GRID2: variants seen among roughly 807,000 people sequenced by gnomAD.
GRID2 encodes glutamate ionotropic receptor delta type subunit 2, also known as glutamate receptor ionotropic, delta-2.
A neutral mutation model predicts 114.8 loss-of-function variants in GRID2; 33 were observed. The observed-to-expected ratio is 0.29, with a 90% CI of 0.22 to 0.38. The LOEUF (loss-of-function observed/expected upper bound fraction) is 0.38. GRID2 is among the 10% of genes least tolerant of loss of function. The pLI, the probability that GRID2 is intolerant of heterozygous loss-of-function variation, is 1.00. For synonymous variants in GRID2, 505 were observed against 449.9 expected (o/e 1.12, Z -1.55); for missense variants, 1,184 against 1,257.7 (o/e 0.94, Z 0.89).
chr4:92,671,259 TCAC>T (rs1311209451), intron 2 of GRID2, among the ~76,000 whole-genome samples: 2 of 80,634 alleles, frequency 2.5e-5, no homozygotes, highest in East Asian at 7.7e-4. Context: ...GAAAACTTAC[TCAC>T]TATCATGAGA....
intron 2 of GRID2, among the ~76,000 whole-genome samples, chr4:92,997,831 G>A (rs1225369904): frequency 2.0e-5 from 3 of 152,076 alleles, no homozygotes; most frequent in African/African-American, 4.8e-5. Flanking sequence ...GACCCTTCAT[G>A]TTGAAAAATA....
intron 1 of GRID2, among the ~76,000 whole-genome samples, chr4:92,308,935 C>T (rs1197786083): frequency 6.6e-6 from 1 of 151,960 alleles, no homozygotes; most frequent in Non-Finnish European, 1.5e-5. Context: ...CTTTACTATT[C>T]TTCTCTGTAT....
intron 11 of GRID2, among the ~76,000 whole-genome samples, chr4:93,481,478 A>G (rs1412618274): frequency 1.3e-5 from 2 of 152,090 alleles, no homozygotes; most frequent in African/African-American, 2.4e-5. Flanking sequence ...ACTGCCATCA[A>G]GATATTAAAA....
intron 8 of GRID2, among the ~76,000 whole-genome samples, chr4:93,288,274 A>T (rs979840118): frequency 9.2e-5 from 14 of 152,242 alleles, no homozygotes; most frequent in African/African-American, 3.4e-4. Context: ...TTGGATTGAT[A>T]GAAATATAAA....
chr4:92,951,624 A>G (rs1042087613), intron 2 of GRID2, among the ~76,000 whole-genome samples: 2 of 152,100 alleles, frequency 1.3e-5, no homozygotes, highest in African/African-American at 2.4e-5. Context: ...CACTGTGCCC[A>G]TCCAAATTTT....
chr4:93,560,326 T>C (rs1266162049), intron 13 of GRID2, among the ~76,000 whole-genome samples: 4 of 145,962 alleles, frequency 2.7e-5, no homozygotes, highest in Non-Finnish European at 6.0e-5. Flanking sequence ...CTGCAGGCTA[T>C]ACAAACATGG....
In GRID2 at chr4:93,239,912, T is replaced by C. The variant is rs570891707; in HGVS notation, c.1245+1422T>C. On this transcript the variant is annotated intron_variant, in intron 8 of 15. Coordinates refer to ENST00000282020, the MANE Select transcript of GRID2 (RefSeq NM_001510.4). ...TTATGAATGGTCTCAAGAATGCGTATATCCTTTTCTTCTTGCTTCTTGTGT... is the reference window on the plus strand; with the variant it reads ...TTATGAATGGTCTCAAGAATGCGTACATCCTTTTCTTCTTGCTTCTTGTGT... Among the ~76,000 whole-genome samples the C allele has an allele frequency of 5.3e-5, 8 of 151,772 alleles. 1 individual carries two copies. Among genetic ancestry groups the C allele is most frequent in the Admixed American group, 1.3e-4 (2 of 15,176 alleles).
intron 7 of GRID2, among the ~76,000 whole-genome samples, chr4:93,234,372 A>G (rs183948758): frequency 1.3e-5 from 2 of 152,248 alleles, no homozygotes; most frequent in South Asian, 2.1e-4. Context: ...AAAGGAAAAA[A>G]TACGAGACAC....
chr4:93,795,918 C>A (rs1475983179), intron 1 of GRID2, among the ~76,000 whole-genome samples: 1 of 152,168 alleles, frequency 6.6e-6, no homozygotes, highest in Non-Finnish European at 1.5e-5. Flanking sequence ...CTTCTCTACT[C>A]AGCAACCCAC....
At chr4:92,573,439 G>A (rs576017810) in intron 1 of GRID2, among the ~76,000 whole-genome samples, 2 of 152,230 alleles carry the variant, frequency 1.3e-5, no homozygotes, top group Admixed American at 6.5e-5. Flanking sequence ...GCTGTTTGAT[G>A]TGGGCAGTTA....
rs929328644 is a variant in GRID2 at position 92,304,296 on chromosome 4, C to T, written c.-361C>T. ...TTGGAAGTTGCAGCGGAGCTGGGAC[C>T]GGAGACCCGCGGCCCCCGCGCAGCG... On this transcript the variant is annotated 5_prime_UTR_variant, in exon 1 of 16. Transcript: ENST00000282020. The T allele has an allele frequency of 7.1e-5, 18 of 252,400 alleles. No individual in the cohort carries two copies. The highest frequency in any genetic ancestry group is 1.4e-4 in the Non-Finnish European group (18 of 131,988). The allele number at this position is 252,400 out of a possible 1,614,324, so 15.6% of individuals were successfully genotyped here.
intron 1 of GRID2, among the ~76,000 whole-genome samples, chr4:92,444,454 A>C (rs879210348): frequency 6.6e-6 from 1 of 152,148 alleles, no homozygotes; most frequent in Non-Finnish European, 1.5e-5. Context: ...TGAGCCAGGA[A>C]AAGGACTTTC....
At chr4:93,593,126 T>C (rs1282277282) in intron 13 of GRID2, among the ~76,000 whole-genome samples, 1 of 151,900 alleles carries the variant, frequency 6.6e-6, no homozygotes, top group African/African-American at 2.4e-5. Context: ...ATTTTGCTTG[T>C]TAGTTGCAGT....
chr4:93,530,209 C>A (rs1731307521), intron 13 of GRID2, among the ~76,000 whole-genome samples: 1 of 152,126 alleles, frequency 6.6e-6, no homozygotes, highest in African/African-American at 2.4e-5. Context: ...GCAAATTCAT[C>A]TTCCCTCAGC....
rs10706922 is a variant in GRID2, at chr4:93,075,883, C to CTTTTTTTTTT, written c.245-9083_245-9074dup. ...GTATTGGGATGTCGAAGTTACCTCT[C>CTTTTTTTTTT]TTTTTTTTTTTTTTTTTTTTTTTTT... On this transcript the variant is annotated intron_variant, in intron 2 of 15. Transcript: ENST00000282020. Among the ~76,000 whole-genome samples the CTTTTTTTTTT allele has an allele frequency of 1.8e-4, 14 of 76,606 alleles. 2 individuals carry two copies. Among genetic ancestry groups the CTTTTTTTTTT allele is most frequent in the East Asian group, 4.1e-4 (1 of 2,412 alleles). The allele number at this position is 76,606 out of a possible 152,430, so 50.3% of individuals were successfully genotyped here.
At chr4:92,757,531 G>C (rs1016745301) in intron 2 of GRID2, among the ~76,000 whole-genome samples, 6 of 152,012 alleles carry the variant, frequency 3.9e-5, no homozygotes, top group African/African-American at 1.4e-4. Context: ...TACAAATTTG[G>C]AGCTCAGGGA....
At chr4:93,237,729 A>G (rs1335389230) in intron 7 of GRID2, among the ~76,000 whole-genome samples, 1 of 151,902 alleles carries the variant, frequency 6.6e-6, no homozygotes, top group African/African-American at 2.4e-5. Context: ...ATAAATGAAC[A>G]TCTGTCATAT....
chr4:92,405,322 G>T (rs894354122), intron 1 of GRID2, among the ~76,000 whole-genome samples: 2 of 152,088 alleles, frequency 1.3e-5, no homozygotes, highest in Non-Finnish European at 2.9e-5. Context: ...CACACAAAAT[G>T]TTAAAATGTT....
chr4:93,246,806 A>G (rs984521394), intron 8 of GRID2, among the ~76,000 whole-genome samples: 5 of 152,138 alleles, frequency 3.3e-5, no homozygotes, highest in Non-Finnish European at 5.9e-5. Context: ...TAACATTACC[A>G]TTGAGTTAGA....
Sources: gnomAD v4.1 joint callset for allele counts (sites outside exome capture counted in the v4.1 genomes callset) on GRCh38, gnomAD v4.1.1 for gene constraint, MANE v1.5 for transcripts, NCBI Gene and HGNC (gene_info 2026-07-23, HGNC 2026-07-21) for gene names.